The following FBXL17 variants were observed in gnomAD, a reference collection of about 807,000 sequenced individuals.
FBXL17 encodes the protein F-box/LRR-repeat protein 17.
In FBXL17, 22 loss-of-function variants were observed where a neutral mutation model predicts 66.2. That is an observed-to-expected ratio of 0.33 (90% confidence interval 0.24 to 0.47). The LOEUF is 0.47. Ranked by LOEUF, FBXL17 falls within the 20% of genes least tolerant of loss-of-function variation. The probability of loss-of-function intolerance (pLI) is 1.00; values close to 1 mark genes in which losing one functional copy is unlikely to be tolerated. For missense variants in FBXL17, 878 were observed against 948.2 expected (o/e 0.93, Z 0.97); for synonymous variants, 474 against 400.5 (o/e 1.18, Z -2.19).
chr5:108,258,849 C>CA (rs1756690810), intron 4 of FBXL17, among the ~76,000 whole-genome samples: 1 of 149,404 alleles, frequency 6.7e-6, no homozygotes, highest in African/African-American at 2.5e-5. Context: ...TGATAACACA[C>CA]AGAGAATTTA....
chr5:108,003,570 G>A (rs933302753), intron 7 of FBXL17, among the ~76,000 whole-genome samples: 9 of 152,076 alleles, frequency 5.9e-5, no homozygotes, highest in African/African-American at 2.2e-4. Context: ...TGTAGTAAAA[G>A]TATATCCAAA....
chr5:108,151,068 C>T (rs1751755367), intron 6 of FBXL17, among the ~76,000 whole-genome samples: 1 of 152,246 alleles, frequency 6.6e-6, no homozygotes, highest in South Asian at 2.1e-4. Context: ...TAGGTTCTTT[C>T]GTGAGGCCTA....
intron 7 of FBXL17, among the ~76,000 whole-genome samples, chr5:107,951,225 T>G (rs1751489265): frequency 6.6e-6 from 1 of 152,246 alleles, no homozygotes; most frequent in Admixed American, 6.5e-5. Context: ...TTTCAATGCA[T>G]ATGGGTAATA....
chr5:108,159,809 T>G (rs759365207), intron 6 of FBXL17, among the ~76,000 whole-genome samples: 3 of 152,210 alleles, frequency 2.0e-5, no homozygotes, highest in Admixed American at 1.3e-4. Flanking sequence ...TTTTCTTAAC[T>G]TGTACTAAAT....
At chr5:108,366,895 T>C (rs1195159386) in intron 2 of FBXL17, among the ~76,000 whole-genome samples, 1 of 152,146 alleles carries the variant, frequency 6.6e-6, no homozygotes, top group Non-Finnish European at 1.5e-5. Flanking sequence ...ACACATACAC[T>C]ACCAGTGTGC....
At chr5:108,173,392 G>T (rs1752679010) in intron 6 of FBXL17, among the ~76,000 whole-genome samples, 1 of 151,744 alleles carries the variant, frequency 6.6e-6, no homozygotes, top group Non-Finnish European at 1.5e-5. Flanking sequence ...AGAACTTAAA[G>T]TATAATAATA....
chr5:107,954,868 C>T (rs1020063858), intron 7 of FBXL17, among the ~76,000 whole-genome samples: 4 of 152,124 alleles, frequency 2.6e-5, no homozygotes, highest in Admixed American at 6.5e-5. Flanking sequence ...TAAAATGAGG[C>T]TTAAGAACTA....
intron 4 of FBXL17, among the ~76,000 whole-genome samples, chr5:108,232,694 C>G (rs1249419898): frequency 6.7e-6 from 1 of 149,180 alleles, no homozygotes; most frequent in Non-Finnish European, 1.5e-5. Context: ...AGTTTTGAGA[C>G]TCGGACTGGC....
intron 6 of FBXL17, among the ~76,000 whole-genome samples, chr5:108,142,933 T>C (rs1271041064): frequency 2.0e-5 from 3 of 151,170 alleles, no homozygotes; most frequent in Non-Finnish European, 4.4e-5. Context: ...TTTATACCTA[T>C]GTAACAAACC....
At chr5:108,160,468 G>A (rs981945579) in intron 6 of FBXL17, among the ~76,000 whole-genome samples, 9 of 152,182 alleles carry the variant, frequency 5.9e-5, no homozygotes, top group Admixed American at 4.6e-4. Flanking sequence ...GAAGAAGAAA[G>A]TTCTCAGTTA....
chr5:108,042,255 C>T (rs900851456), intron 6 of FBXL17, among the ~76,000 whole-genome samples: 1 of 152,132 alleles, frequency 6.6e-6, no homozygotes, highest in East Asian at 1.9e-4. Context: ...AGTTGAAAGA[C>T]GTAGAGAGAG....
At chr5:108,261,961 T>C (rs1756839201) in intron 4 of FBXL17, among the ~76,000 whole-genome samples, 1 of 151,798 alleles carries the variant, frequency 6.6e-6, no homozygotes, top group Non-Finnish European at 1.5e-5. Flanking sequence ...TTTCTCAAGA[T>C]TCACCAAACT....
intron 7 of FBXL17, among the ~76,000 whole-genome samples, chr5:107,993,583 A>G (rs1276095045): frequency 1.3e-5 from 2 of 152,316 alleles, no homozygotes; most frequent in African/African-American, 4.8e-5. Flanking sequence ...TCACATATCT[A>G]AAAGCCAAGA....
At chr5:108,045,648 G>C (rs1199782923) in intron 6 of FBXL17, among the ~76,000 whole-genome samples, 1 of 151,926 alleles carries the variant, frequency 6.6e-6, no homozygotes. Flanking sequence ...TTAGAAAATT[G>C]TATTTTGTAT....
intron 6 of FBXL17, among the ~76,000 whole-genome samples, chr5:108,062,472 ACTATT>A (rs1362907417): frequency 2.0e-5 from 3 of 152,152 alleles, no homozygotes; most frequent in African/African-American, 7.2e-5. Context: ...ATTATAGTTG[ACTATT>A]CTATTAAGTA....
intron 4 of FBXL17, among the ~76,000 whole-genome samples, chr5:108,303,607 TA>T (rs1462925935): frequency 6.6e-6 from 1 of 152,018 alleles, no homozygotes; most frequent in Non-Finnish European, 1.5e-5. Context: ...TTCTCCCATT[TA>T]AAACAAAGTT....
intron 5 of FBXL17, among the ~76,000 whole-genome samples, chr5:108,211,367 T>C (rs1159774953): frequency 6.6e-6 from 1 of 152,180 alleles, no homozygotes; most frequent in Non-Finnish European, 1.5e-5. Context: ...ATCCTGTCAT[T>C]ATGATGCTAG....
intron 8 of FBXL17, among the ~76,000 whole-genome samples, chr5:107,873,053 A>G (rs1198079790): frequency 6.6e-6 from 1 of 152,218 alleles, no homozygotes; most frequent in Non-Finnish European, 1.5e-5. Flanking sequence ...CATCAGTGGC[A>G]TGGTGGGGAT....
chr5:108,161,026 C>T (rs1467414592), intron 6 of FBXL17, among the ~76,000 whole-genome samples: 2 of 152,126 alleles, frequency 1.3e-5, no homozygotes, highest in Non-Finnish European at 2.9e-5. Context: ...CATTGGGAAA[C>T]ACTAGGTTCC....
Sources: allele counts gnomAD v4.1 joint callset (sites outside exome capture counted in the v4.1 genomes callset), GRCh38; gene constraint gnomAD v4.1.1; transcripts MANE v1.5; gene names NCBI Gene and HGNC (gene_info 2026-07-23, HGNC 2026-07-21).